The following HIPK2 variants were observed in gnomAD, a reference collection of about 807,000 sequenced individuals.
The protein encoded by HIPK2 is homeodomain-interacting protein kinase 2.
Under a neutral mutation model 113.7 loss-of-function variants are expected in HIPK2, and 27 were observed. The ratio of observed to expected loss-of-function variants is 0.24; its 90% confidence interval spans 0.17 to 0.33. The LOEUF is 0.33. HIPK2 is among the 10% of genes least tolerant of loss of function. HIPK2 has a pLI of 1.00. For synonymous variants in HIPK2, 631 were observed against 642.2 expected, an observed-to-expected ratio of 0.98 and a Z score of 0.26; for missense variants, 1,257 against 1,588.0, an observed-to-expected ratio of 0.79 and a Z score of 3.54.
At chr7:139,668,439 G>A (rs926156383) in intron 2 of HIPK2, among the ~76,000 whole-genome samples, 1 of 151,894 alleles carries the variant, frequency 6.6e-6, no homozygotes, top group African/African-American at 2.4e-5. Flanking sequence ...GTGTGTGCCT[G>A]TAGTTCCAGC....
chr7:139,626,493 C>T, intron 6 of HIPK2, 108 bp downstream of exon 6: 1 of 1,137,928 alleles, frequency 8.8e-7, no homozygotes, highest in South Asian at 1.5e-5. Context: ...ACAGTGACAG[C>T]TGAGTAGTTG....
At chr7:139,587,357 G>A (rs1158982024) in intron 12 of HIPK2, among the ~76,000 whole-genome samples, 1 of 151,870 alleles carries the variant, frequency 6.6e-6, no homozygotes, top group African/African-American at 2.4e-5. Flanking sequence ...CGGGAGTGGT[G>A]GTGGGGCCTG....
At chr7:139,666,386 G>A (rs1002533796) in intron 2 of HIPK2, among the ~76,000 whole-genome samples, 1 of 152,196 alleles carries the variant, frequency 6.6e-6, no homozygotes, top group Non-Finnish European at 1.5e-5. Context: ...AGAAGACCCA[G>A]GGCTCACTGG....
chr7:139,580,753 T>C (rs954809278), intron 13 of HIPK2, among the ~76,000 whole-genome samples: 1 of 152,222 alleles, frequency 6.6e-6, no homozygotes, highest in Non-Finnish European at 1.5e-5. Context: ...GGGAAGATCA[T>C]GGCAGCTCCA....
intron 1 of HIPK2, among the ~76,000 whole-genome samples, chr7:139,745,910 T>C (rs1026586564): frequency 1.3e-5 from 2 of 152,190 alleles, no homozygotes; most frequent in African/African-American, 4.8e-5. Context: ...GCAGCCACGA[T>C]TATTTCAACA....
At chr7:139,668,284 G>A (rs192511287) in intron 2 of HIPK2, among the ~76,000 whole-genome samples, 2 of 151,954 alleles carry the variant, frequency 1.3e-5, no homozygotes, top group African/African-American at 2.4e-5. Flanking sequence ...TTTACTGGCC[G>A]AGTGCAGTGG....
At chr7:139,690,291 G>A (rs928721063) in intron 2 of HIPK2, among the ~76,000 whole-genome samples, 21 of 152,290 alleles carry the variant, frequency 1.4e-4, no homozygotes, top group African/African-American at 4.6e-4. Context: ...ACAGAGTCAG[G>A]GGAGGGCAGA....
At chr7:139,735,697 T>A (rs2117051455) in intron 1 of HIPK2, among the ~76,000 whole-genome samples, 1 of 152,284 alleles carries the variant, frequency 6.6e-6, no homozygotes, top group South Asian at 2.1e-4. Context: ...AGAGAGTGGA[T>A]GGAGTGCTCT....
chr7:139,745,416 G>A (rs1796173400), intron 1 of HIPK2, among the ~76,000 whole-genome samples: 1 of 152,176 alleles, frequency 6.6e-6, no homozygotes, highest in African/African-American at 2.4e-5. Context: ...CTCCCCCCGA[G>A]TCTAAAGTGA....
At chr7:139,598,421 C>A (rs768032749) in intron 11 of HIPK2, among the ~76,000 whole-genome samples, 2 of 152,150 alleles carry the variant, frequency 1.3e-5, no homozygotes, top group African/African-American at 2.4e-5. Context: ...TTTGTACTTA[C>A]TATAAACCTA....
At chr7:139,652,381 T>C (rs1801495039) in intron 2 of HIPK2, among the ~76,000 whole-genome samples, 1 of 152,176 alleles carries the variant, frequency 6.6e-6, no homozygotes, top group Admixed American at 6.5e-5. Context: ...GATTGGATTA[T>C]TGAGTGATTA....
chr7:139,689,444 G>T (rs1794332734), intron 2 of HIPK2, among the ~76,000 whole-genome samples: 1 of 152,210 alleles, frequency 6.6e-6, no homozygotes, highest in African/African-American at 2.4e-5. Context: ...AATTTGGAAT[G>T]AAAATAAATA....
chr7:139,750,460 A>G (rs778892649), intron 1 of HIPK2, among the ~76,000 whole-genome samples: 1 of 152,238 alleles, frequency 6.6e-6, no homozygotes, highest in Non-Finnish European at 1.5e-5. Context: ...ATTCATAAAT[A>G]TACAGATATA....
chr7:139,697,195 T>C (rs1794591440), intron 2 of HIPK2, among the ~76,000 whole-genome samples: 2 of 152,220 alleles, frequency 1.3e-5, no homozygotes, highest in Admixed American at 6.5e-5. Flanking sequence ...TGCCTCGCTG[T>C]GCACACTACA....
At chr7:139,654,463 T>A (rs1240630935) in intron 2 of HIPK2, among the ~76,000 whole-genome samples, 1 of 152,156 alleles carries the variant, frequency 6.6e-6, no homozygotes, top group African/African-American at 2.4e-5. Flanking sequence ...AAGTGAGTCA[T>A]GATCACGCCA....
At chr7:139,754,511 T>C (rs1040997076) in intron 1 of HIPK2, among the ~76,000 whole-genome samples, 1 of 152,150 alleles carries the variant, frequency 6.6e-6, no homozygotes, top group African/African-American at 2.4e-5. Flanking sequence ...GGTTAGAATA[T>C]AGATACATGT....
intron 1 of HIPK2, among the ~76,000 whole-genome samples, chr7:139,772,639 G>A (rs1307782743): frequency 6.6e-6 from 1 of 152,148 alleles, no homozygotes; most frequent in Non-Finnish European, 1.5e-5. Flanking sequence ...CCAGGCTGGA[G>A]TGCAATGGCA....
intron 2 of HIPK2, among the ~76,000 whole-genome samples, chr7:139,669,840 T>C (rs1802200216): frequency 6.6e-6 from 1 of 152,186 alleles, no homozygotes. Context: ...TAAAGAGCTA[T>C]TGATGGTGGT....
At chr7:139,612,703 C>T (rs918567478) in intron 9 of HIPK2, among the ~76,000 whole-genome samples, 3 of 152,162 alleles carry the variant, frequency 2.0e-5, no homozygotes, top group African/African-American at 7.2e-5. Context: ...TTCATCTCTG[C>T]CATCTCATTC....
Sources: allele counts gnomAD v4.1 joint callset (sites outside exome capture counted in the v4.1 genomes callset), GRCh38; gene constraint gnomAD v4.1.1; transcripts MANE v1.5; gene names NCBI Gene and HGNC (gene_info 2026-07-23, HGNC 2026-07-21).